The following H3-7 variants were observed in gnomAD, a reference collection of about 807,000 sequenced individuals.
H3-7 encodes the protein histone H3-7.
the H3-7 span, chr1:143,905,625 A>G: frequency 4.4e-6 from 7 of 1,582,650 alleles, 1 homozygote; most frequent in African/African-American, 2.7e-5. Flanking sequence ...CGCGCTTGGC[A>G]TGGATGGCGC....
chr1:143,905,536 C>T, the H3-7 span: 15 of 1,529,710 alleles, frequency 9.8e-6, 4 homozygotes, highest in East Asian at 2.8e-4. Context: ...GCCTTTAGAT[C>T]GACCACTTAA....
chr1:143,905,969 T>A, the H3-7 span: 35 of 1,578,854 alleles, frequency 2.2e-5, 3 homozygotes, highest in Non-Finnish European at 2.9e-5. Context: ...CGGGCCATGC[T>A]GTCTCATTGA....
At chr1:143,905,420 C>T in the H3-7 span, 4 of 686,416 alleles carry the variant, frequency 5.8e-6, 1 homozygote, top group Admixed American at 1.2e-4. Context: ...GTAACGTCAC[C>T]CACCACGAGT....
chr1:143,904,367 G>A, the H3-7 span: 1 of 1,582,748 alleles, frequency 6.3e-7, no homozygotes, highest in Admixed American at 1.7e-5. Flanking sequence ...GCGCCAGGCG[G>A]GACGCCTCTC....
At chr1:143,902,918 C>T in the H3-7 span, among the ~76,000 whole-genome samples, 6 of 142,624 alleles carry the variant, frequency 4.2e-5, 1 homozygote, top group Non-Finnish European at 9.4e-5. Context: ...CAAGGCCGGG[C>T]GCGGTGGCTC....
At chr1:143,905,854 T>A in the H3-7 span, 1 of 1,580,568 alleles carries the variant, frequency 6.3e-7, no homozygotes. Context: ...GCGGTGCGGC[T>A]TCTTCACCCC....
the H3-7 span, chr1:143,905,628 G>A: frequency 3.2e-6 from 5 of 1,582,708 alleles, no homozygotes; most frequent in East Asian, 1.1e-4. Context: ...GCTTGGCATG[G>A]ATGGCGCACA....
chr1:143,905,965 A>G, the H3-7 span: 10 of 1,579,040 alleles, frequency 6.3e-6, 2 homozygotes, highest in South Asian at 7.9e-5. Flanking sequence ...AGTACGGGCC[A>G]TGCTGTCTCA....
At chr1:143,905,864 C>A in the H3-7 span, 2 of 1,580,698 alleles carry the variant, frequency 1.3e-6, no homozygotes, top group South Asian at 1.1e-5. Context: ...TTCTTCACCC[C>A]GCCCGTGGCC....
chr1:143,905,288 C>T, the H3-7 span, among the ~76,000 whole-genome samples: 5 of 134,506 alleles, frequency 3.7e-5, no homozygotes, highest in African/African-American at 1.4e-4. Context: ...ACTTTACCCA[C>T]AGAATTGGGA....
chr1:143,904,421 G>A, the H3-7 span: 1 of 1,582,968 alleles, frequency 6.3e-7, no homozygotes, highest in Non-Finnish European at 8.7e-7. Flanking sequence ...AGTTCATGAT[G>A]CCCATGGTCT....
At chr1:143,904,764 G>A in the H3-7 span, 6 of 685,126 alleles carry the variant, frequency 8.8e-6, no homozygotes, top group Admixed American at 5.9e-5. Flanking sequence ...AGGGGGTGGA[G>A]TCTATGTAAA....
chr1:143,905,506 C>A, the H3-7 span: 1 of 1,319,012 alleles, frequency 7.6e-7, no homozygotes, highest in African/African-American at 1.4e-5. Flanking sequence ...TTGATGAAAA[C>A]GGCAGTGGCT....
the H3-7 span, among the ~76,000 whole-genome samples, chr1:143,905,306 C>G: frequency 1.4e-5 from 2 of 139,238 alleles, no homozygotes; most frequent in African/African-American, 2.6e-5. Context: ...GGAGCCGGAC[C>G]TCTAGCCTTA....
At chr1:143,903,273 G>A in the H3-7 span, among the ~76,000 whole-genome samples, 2 of 111,526 alleles carry the variant, frequency 1.8e-5, no homozygotes, top group Non-Finnish European at 3.8e-5. Context: ...TTGTCCTGGA[G>A]GAAGTATTTT....
the H3-7 span, among the ~76,000 whole-genome samples, chr1:143,905,310 A>G: frequency 1.4e-5 from 2 of 139,094 alleles, no homozygotes; most frequent in African/African-American, 2.6e-5. Flanking sequence ...CCGGACCTCT[A>G]GCCTTAAACC....
the H3-7 span, chr1:143,904,545 G>C: frequency 2.2e-4 from 348 of 1,606,132 alleles, 2 homozygotes; most frequent in East Asian, 6.4e-3. Context: ...CTGCACTTTC[G>C]TAACAGCCTT....
chr1:143,905,579 G>T, the H3-7 span: 9 of 1,581,508 alleles, frequency 5.7e-6, 2 homozygotes, highest in South Asian at 4.5e-5. Flanking sequence ...CCGCGGATGC[G>T]GCTGACCAAC....
chr1:143,905,746 T>G, the H3-7 span: 3 of 1,581,916 alleles, frequency 1.9e-6, no homozygotes. Context: ...CTGCGCGATC[T>G]CGCGTACCAG....
Sources: allele counts gnomAD v4.1 joint callset (sites outside exome capture counted in the v4.1 genomes callset), GRCh38; gene constraint gnomAD v4.1.1; transcripts MANE v1.5; gene names NCBI Gene and HGNC (gene_info 2026-07-23, HGNC 2026-07-21).